ASIC4: variants seen among roughly 807,000 people sequenced by gnomAD.
ASIC4 encodes the protein acid sensing ion channel subunit family member 4.
ASIC4 carries 28 observed loss-of-function variants against 53.4 expected under a neutral mutation model. The ratio of observed to expected loss-of-function variants is 0.52; its 90% CI spans 0.39 to 0.72. The LOEUF (loss-of-function observed/expected upper bound fraction) is 0.72, where lower values mean the gene tolerates loss of function less well. Among genes scored for constraint, ASIC4 ranks in the 30% least tolerant of loss-of-function variants. The pLI, the probability that ASIC4 is intolerant of heterozygous loss-of-function variation, is 0.00. For missense variants in ASIC4, 649 were observed against 729.7 expected, an observed-to-expected ratio of 0.89 and a Z score of 1.27; for synonymous variants, 289 against 301.4, an observed-to-expected ratio of 0.96 and a Z score of 0.43.
chr2:219,509,715 C>A (rs1694675279), upstream of ASIC4, among the ~76,000 whole-genome samples: 1 of 152,040 alleles, frequency 6.6e-6, no homozygotes, highest in Admixed American at 6.6e-5. The surrounding 1 kb of genome is among the most constrained non-coding windows in gnomAD (Gnocchi z 5.2). Context: ...CTCTGGGAAG[C>A]CATCTGCCCT....
At chr2:219,532,286 C>T in intron 3 of ASIC4, 29 bp from the exon 4 acceptor site, 1 of 1,602,118 alleles carries the variant, frequency 6.2e-7, no homozygotes, top group Admixed American at 1.7e-5. Context: ...GATTCCTGAG[C>T]ATGACCTCAT....
chr2:219,515,014 A>C lies in ASIC4; in HGVS notation c.290A>C (p.His97Pro). The C allele has an allele frequency of 6.2e-7, 1 of 1,613,370 alleles. No homozygotes were observed. The highest frequency in any genetic ancestry group is 2.2e-5 in the East Asian group (1 of 44,840). The change falls in exon 1 of 10, where the codon CAC becomes CCC. Residue 97 changes from histidine to proline, a missense_variant. Physicochemically the swap from His to Pro is moderately conservative, Grantham distance 77 (BLOSUM62 -2). Coordinates refer to ENST00000358078, the MANE Select transcript of ASIC4 (RefSeq NM_018674.6). Reference sequence around the variant, plus strand: ...GCCCGGGGCTACCTGACCCGGCCTCACCTGGTGGCAATGGACCCCGCTGCC... The same window carrying C: ...GCCCGGGGCTACCTGACCCGGCCTCCCCTGGTGGCAATGGACCCCGCTGCC... ...GLARGYLTRPHLVAMDPAAPA... is the reference protein window; with the variant it reads ...GLARGYLTRPPLVAMDPAAPA...
upstream of ASIC4, among the ~76,000 whole-genome samples, chr2:219,510,315 C>T (rs1032805413): frequency 1.4e-4 from 21 of 152,084 alleles, no homozygotes; most frequent in African/African-American, 5.1e-4. The surrounding 1 kb of genome is among the most constrained non-coding windows in gnomAD (Gnocchi z 5.2). Flanking sequence ...TCTCCCCCTC[C>T]TTCCTCAGCT....
At position 219,532,888 on chromosome 2, in the gene ASIC4, G is replaced by A; in HGVS notation, c.1024G>A (p.Glu342Lys). The A allele has an allele frequency of 1.2e-6, 2 of 1,613,356 alleles. No homozygotes were observed. The highest frequency in any genetic ancestry group is 1.7e-6 in the Non-Finnish European group (2 of 1,179,390). Residue 342 changes from glutamate to lysine, a missense_variant, in exon 5 of 10, where the codon GAG becomes AAG. Glu to Lys is a moderately conservative substitution (Grantham distance 56). Transcript: ENST00000358078. ...HCRMVHMPGN[E>K]TICPPNIYIE... ...ATAATCTTCTCTCCTTTCAGGCAAT[G>A]AGACCATCTGCCCACCAAATATCTA...
chr2:219,528,285 G>A (rs112286884), intron 1 of ASIC4, among the ~76,000 whole-genome samples: 15 of 152,178 alleles, frequency 9.9e-5, no homozygotes, highest in South Asian at 6.2e-4. Context: ...GTGCAGTGGC[G>A]TGATCTCAGC....
chr2:219,514,474 AGAC>A (rs1161444477), upstream of ASIC4: 2 of 1,550,578 alleles, frequency 1.3e-6, no homozygotes, highest in Non-Finnish European at 1.7e-6. Flanking sequence ...AGCCACAAGG[AGAC>A]GATCGAGGAG....
Position 219,514,567 on chromosome 2 carries a change from C to A in ASIC4, c.-158C>A. ...GCTGCTGGGAGTGGGAGTGACTCCC[C>A]CACCTCGGGCCCCCACCCTGTCCCT... On this transcript the variant is annotated 5_prime_UTR_variant, in exon 1 of 10. Coordinates refer to ENST00000358078, the MANE Select transcript of ASIC4 (RefSeq NM_018674.6). The A allele has an allele frequency of 6.4e-7, 1 of 1,572,578 alleles. No individual in the cohort carries two copies. Among genetic ancestry groups the A allele is most frequent in the African/African-American group, 1.4e-5 (1 of 73,964 alleles).
intron 1 of ASIC4, 112 bp downstream of exon 1, chr2:219,515,418 C>T: frequency 1.5e-6 from 2 of 1,344,678 alleles, no homozygotes; most frequent in Non-Finnish European, 2.0e-6. Context: ...CCCTTCATTC[C>T]ACCACCAGAG....
rs749362229 is a variant in ASIC4 at position 219,531,803 on chromosome 2, C to T, written c.628C>T (p.Arg210Trp). The T allele has an allele frequency of 3.2e-5, 51 of 1,613,170 alleles. No individual in the cohort carries two copies. The highest frequency in any genetic ancestry group is 4.5e-5 in the East Asian group (2 of 44,888). ...GKCYTFNADPRSSLPSRAGGM... is the reference protein window; with the variant it reads ...GKCYTFNADPWSSLPSRAGGM... Reference sequence around the variant, plus strand: ...GTGTTACACCTTCAACGCGGACCCGCGGAGCTCGCTGCCCAGCCGGGCAGG... The same window carrying T: ...GTGTTACACCTTCAACGCGGACCCGTGGAGCTCGCTGCCCAGCCGGGCAGG... The change falls in exon 2 of 10, where the codon CGG becomes TGG. Residue 210 changes from arginine (R) to tryptophan (W), a missense_variant. Transcript: ENST00000358078.
In ASIC4 at chr2:219,538,453, G is replaced by A; in HGVS notation, c.*407G>A. The A allele has an allele frequency of 4.5e-6, 1 of 224,268 alleles. No individual in the cohort carries two copies. The highest frequency in any genetic ancestry group is 5.2e-5 in the Admixed American group (1 of 19,126). 13.9% of individuals were successfully genotyped at this position (224,268 alleles called of 1,614,324 possible). A position where few individuals can be genotyped will look rare whatever the true frequency, so the allele number is the denominator to read the frequency against. ...TACAGGGGTGGGTGATTTAGGGACA[G>A]CCAGGGTCCCAGCCCCAATGTCAGC... On this transcript the variant is annotated 3_prime_UTR_variant, in exon 10 of 10. Coordinates refer to ENST00000358078, the MANE Select transcript of ASIC4 (RefSeq NM_018674.6).
At chr2:219,509,700 G>T (rs1694675097), upstream of ASIC4, among the ~76,000 whole-genome samples, 1 of 152,042 alleles carries the variant, frequency 6.6e-6, no homozygotes, top group Non-Finnish European at 1.5e-5. This position sits in a 1 kb window ranked among gnomAD's most constrained non-coding sequence, Gnocchi z 5.2. Context: ...AGTTCAAGGG[G>T]TGATCTCTGG....
the ASIC4 span, among the ~76,000 whole-genome samples, chr2:219,507,141 C>A: frequency 3.9e-5 from 6 of 152,200 alleles, no homozygotes; most frequent in Admixed American, 3.9e-4. Flanking sequence ...CCCCCTCCCA[C>A]TGCCTCAGCC....
At position 219,517,352 on chromosome 2, in the gene ASIC4, A is replaced by G. The variant is rs59613791; in HGVS notation, c.582+2046A>G. 0.013 allele frequency: 2,049 copies of G among 152,596 alleles called. 53 individuals are homozygous for G. Among genetic ancestry groups the G allele is most frequent in the African/African-American group, 0.046 (1,929 of 41,532 alleles). The allele number at this position is 152,596 out of a possible 1,614,324, so 9.5% of individuals were successfully genotyped here. On this transcript the variant is annotated intron_variant, in intron 1 of 9. Coordinates refer to ENST00000358078, the MANE Select transcript of ASIC4 (RefSeq NM_018674.6). This position sits in a 1 kb window ranked among gnomAD's most constrained non-coding sequence, Gnocchi z 4.2. ...CCTCTGGTACCCTGGGGCTGGAGAA[A>G]GGAGGATGGTAGAAGTCCGTGGGCT... is the stretch of plus-strand genomic sequence containing the variant.
intron 1 of ASIC4, among the ~76,000 whole-genome samples, chr2:219,528,271 T>C (rs992648516): frequency 6.6e-6 from 1 of 152,248 alleles, no homozygotes; most frequent in African/African-American, 2.4e-5. Flanking sequence ...TCACCCAGGC[T>C]GGAGTGCAGT....
At chr2:219,513,546 G>A (rs1277925459), upstream of ASIC4, among the ~76,000 whole-genome samples, 1 of 151,990 alleles carries the variant, frequency 6.6e-6, no homozygotes, top group Non-Finnish European at 1.5e-5. Context: ...TCCCTTCCAC[G>A]CCCCCACTGG....
intron 1 of ASIC4, among the ~76,000 whole-genome samples, chr2:219,525,684 A>G (rs1346413678): frequency 2.0e-5 from 3 of 152,182 alleles, no homozygotes; most frequent in Non-Finnish European, 4.4e-5. Context: ...AGAGGCTTTG[A>G]ACCTGGATAC....
upstream of ASIC4, among the ~76,000 whole-genome samples, chr2:219,509,983 A>G (rs530417834): frequency 8.6e-5 from 13 of 151,534 alleles, no homozygotes; most frequent in African/African-American, 3.1e-4. This position sits in a 1 kb window ranked among gnomAD's most constrained non-coding sequence, Gnocchi z 5.2. Context: ...TGCCCCTGAC[A>G]TGCATGGGGT....
At chr2:219,514,467 C>T (rs1373215030), upstream of ASIC4, 7 of 1,550,456 alleles carry the variant, frequency 4.5e-6, no homozygotes, top group Admixed American at 2.0e-5. Flanking sequence ...TAAGGGAAGC[C>T]ACAAGGAGAC....
rs914412588 is a variant in ASIC4, at chr2:219,536,346, C to G, written c.1230-720C>G. Among the ~76,000 whole-genome samples, 5 of 152,224 alleles carry G rather than the reference C, an allele frequency of 3.3e-5. No homozygotes were observed. Among genetic ancestry groups the G allele is most frequent in the African/African-American group, 1.2e-4 (5 of 41,466 alleles). On this transcript the variant is annotated intron_variant, in intron 6 of 9. Transcript: ENST00000358078. The surrounding 1 kb of genome is among the most constrained non-coding windows in gnomAD (Gnocchi z 4.6). ...ACCGCCCTGAGGCTTGGGTCTGGTC[C>G]CCTCCAGCCAGTCTACACTTGTGGA...
Sources: gnomAD v4.1 joint callset for allele counts (sites outside exome capture counted in the v4.1 genomes callset) on GRCh38, gnomAD v4.1.1 for gene constraint, Gnocchi (gnomAD v3.1) non-coding constraint, MANE v1.5 for transcripts, NCBI Gene and HGNC (gene_info 2026-07-23, HGNC 2026-07-21) for gene names.